IGF2BP3: variants seen among roughly 807,000 people sequenced by gnomAD.
IGF2BP3 encodes insulin-like growth factor 2 mRNA-binding protein 3.
A neutral mutation model predicts 73.8 loss-of-function variants in IGF2BP3; 9 were observed. The observed-to-expected ratio is 0.12, with a 90% CI of 0.07 to 0.21. The LOEUF (loss-of-function observed/expected upper bound fraction) is 0.21, where lower values mean the gene tolerates loss of function less well. Ranked by LOEUF, IGF2BP3 falls within the 10% of genes least tolerant of loss-of-function variation. The pLI, the probability that IGF2BP3 is intolerant of heterozygous loss-of-function variation, is 1.00. For missense variants in IGF2BP3, 542 were observed against 714.0 expected (o/e 0.76, Z 2.75); for synonymous variants, 258 against 256.7 (o/e 1.01, Z -0.05).
intron 2 of IGF2BP3, among the ~76,000 whole-genome samples, chr7:23,446,971 G>A (rs957158191): frequency 2.6e-5 from 4 of 152,110 alleles, no homozygotes; most frequent in South Asian, 2.1e-4. Flanking sequence ...CGGAGGCTGA[G>A]GCAGGAGGAT....
chr7:23,362,229 T>C (rs578239554), intron 3 of IGF2BP3, among the ~76,000 whole-genome samples: 6 of 145,056 alleles, frequency 4.1e-5, no homozygotes, highest in African/African-American at 1.4e-4. Flanking sequence ...CTGGTCAACA[T>C]AGTGAGACCC....
At chr7:23,337,678 A>C (rs1784607746) in intron 10 of IGF2BP3, among the ~76,000 whole-genome samples, 2 of 152,334 alleles carry the variant, frequency 1.3e-5, no homozygotes, top group South Asian at 4.1e-4. Flanking sequence ...TCCTTAAATA[A>C]GGATGCTGCC....
chr7:23,446,764 C>G (rs1460900057), intron 2 of IGF2BP3, among the ~76,000 whole-genome samples: 1 of 152,080 alleles, frequency 6.6e-6, no homozygotes, highest in African/African-American at 2.4e-5. Flanking sequence ...AAAATAGTAA[C>G]TTTACCCTGA....
chr7:23,423,929 T>C (rs1386345201), intron 2 of IGF2BP3, among the ~76,000 whole-genome samples: 1 of 150,848 alleles, frequency 6.6e-6, no homozygotes, highest in Admixed American at 6.6e-5. Flanking sequence ...ACCAGCCTGA[T>C]CAACATGGTG....
intron 3 of IGF2BP3, among the ~76,000 whole-genome samples, chr7:23,368,822 A>G (rs1278086008): frequency 6.6e-6 from 1 of 151,860 alleles, no homozygotes; most frequent in Non-Finnish European, 1.5e-5. Context: ...ACTTGAACCC[A>G]GGAGGCAGAG....
intron 2 of IGF2BP3, among the ~76,000 whole-genome samples, chr7:23,465,531 C>A (rs1443532752): frequency 3.4e-5 from 5 of 148,304 alleles, no homozygotes; most frequent in South Asian, 2.2e-4. Context: ...GGTCCCCCCC[C>A]AAGCTCCACT....
rs566884662 is a variant in IGF2BP3, at chr7:23,447,501, T to A, written c.236+20981A>T. 6.9e-4 allele frequency among the ~76,000 whole-genome samples: 105 copies of A among 151,652 alleles called. 1 individual carries two copies. Among genetic ancestry groups the A allele is most frequent in the African/African-American group, 2.0e-3 (81 of 41,320 alleles). On this transcript the variant is annotated intron_variant, in intron 2 of 14. Coordinates refer to ENST00000258729, the MANE Select transcript of IGF2BP3 (RefSeq NM_006547.3). ...ATTAGCCAGGCATGGGGTGTGTGCC[T>A]GTAATCCCAGCTACTCGGGAGGCTG...
chr7:23,468,621 C>T, intron 1 of IGF2BP3, 79 bp from the exon 2 acceptor site: 1 of 1,468,448 alleles, frequency 6.8e-7, no homozygotes, highest in Non-Finnish European at 9.5e-7. Context: ...GCCCAAGCGG[C>T]GACACAAATG....
At chr7:23,343,679 T>G in intron 9 of IGF2BP3, 39 bp downstream of exon 9, 2 of 1,553,646 alleles carry the variant, frequency 1.3e-6, no homozygotes, top group Non-Finnish European at 1.8e-6. Context: ...TTTTAACTAT[T>G]TGTTAAAATA....
In IGF2BP3 at chr7:23,317,688, G is replaced by A; in HGVS notation, c.1346C>T (p.Ala449Val). 1.2e-6 allele frequency: 2 copies of A among 1,614,068 alleles called. No homozygotes were observed. The highest frequency in any genetic ancestry group is 1.7e-6 in the Non-Finnish European group (2 of 1,179,936). Residue 449 changes from alanine (A) to valine (V), a missense_variant, in exon 12 of 15, where the codon GCT becomes GTT. This residue lies in a region of IGF2BP3 where 303 missense variants were observed against 472.1 expected (regional missense o/e 0.64). Transcript: ENST00000258729. ...AGTGATAATCACCATCCTCACTTTA[G>A]CATCTGGTGCTTCCGCTGGAGCAAT... ...IKIAPAEAPD[A>V]KVRMVIITGP...
At position 23,327,984 on chromosome 7, in the gene IGF2BP3, TCA is replaced by T. The variant is rs999286211; in HGVS notation, c.1204-8732_1204-8731del. Among the ~76,000 whole-genome samples the T allele has an allele frequency of 1.1e-4, 17 of 152,282 alleles. 1 individual carries two copies. Among genetic ancestry groups the T allele is most frequent in the Admixed American group, 9.2e-4 (14 of 15,294 alleles). ...ACTTACCAGGAGGCCATTCCGTAGGTCACAGTTTACTCACCCTGTTTGGTAGG... is the reference window on the plus strand; with the variant it reads ...ACTTACCAGGAGGCCATTCCGTAGGTCAGTTTACTCACCCTGTTTGGTAGG... On this transcript the variant is annotated intron_variant, in intron 10 of 14. Transcript: ENST00000258729.
chr7:23,412,843 T>A (rs371671586), intron 3 of IGF2BP3, among the ~76,000 whole-genome samples: 3 of 14,752 alleles, frequency 2.0e-4, no homozygotes, highest in East Asian at 1.2e-3. Context: ...GACTCTGGCC[T>A]TTTTTTTTTT....
intron 3 of IGF2BP3, among the ~76,000 whole-genome samples, chr7:23,380,490 G>A (rs1384310291): frequency 1.3e-5 from 2 of 152,102 alleles, no homozygotes; most frequent in Non-Finnish European, 2.9e-5. Flanking sequence ...CTTGGCCGAT[G>A]AGTGGCATCC....
intron 2 of IGF2BP3, among the ~76,000 whole-genome samples, chr7:23,429,244 A>C (rs549975912): frequency 6.6e-6 from 1 of 152,342 alleles, no homozygotes; most frequent in East Asian, 1.9e-4. Context: ...TTTCACAGAA[A>C]GTCTCTTATA....
chr7:23,320,968 A>AAAAAAG (rs1784127012), intron 10 of IGF2BP3, among the ~76,000 whole-genome samples: 1 of 144,788 alleles, frequency 6.9e-6, no homozygotes, highest in African/African-American at 2.8e-5. Flanking sequence ...AAAAAAAAAA[A>AAAAAAG]AGAAAAAACA....
intron 2 of IGF2BP3, among the ~76,000 whole-genome samples, chr7:23,422,501 G>C (rs1435142019): frequency 2.0e-5 from 3 of 152,120 alleles, no homozygotes; most frequent in African/African-American, 7.2e-5. Flanking sequence ...GTTTCAATGA[G>C]CTATAATCAT....
At chr7:23,414,688 T>G (rs558882018) in intron 3 of IGF2BP3, 1 of 157,136 alleles carries the variant, frequency 6.4e-6, no homozygotes, top group South Asian at 1.9e-4. Flanking sequence ...GACTATGGAC[T>G]CTAATCTCTC....
At chr7:23,334,214 G>T (rs1416596937) in intron 10 of IGF2BP3, among the ~76,000 whole-genome samples, 1 of 152,128 alleles carries the variant, frequency 6.6e-6, no homozygotes. Context: ...TGTAATTCCA[G>T]CTACTCAGGA....
chr7:23,327,661 A>G (rs1343388704), intron 10 of IGF2BP3, among the ~76,000 whole-genome samples: 1 of 152,150 alleles, frequency 6.6e-6, no homozygotes, highest in Non-Finnish European at 1.5e-5. Context: ...AGAAATCTTT[A>G]AAATTTTAAG....
Sources: gnomAD v4.1 joint callset for allele counts (sites outside exome capture counted in the v4.1 genomes callset) on GRCh38, gnomAD v4.1.1 for gene constraint, gnomAD v4.1.1 regional missense constraint, MANE v1.5 for transcripts, NCBI Gene and HGNC (gene_info 2026-07-23, HGNC 2026-07-21) for gene names.